Variants in XIST observed in about 807,000 individuals in gnomAD.
The protein encoded by XIST is X inactive specific transcript.
exon 1 of XIST, chrX:73,841,802 A>C: frequency 2.0e-6 from 1 of 496,290 alleles, no homozygotes; most frequent in Non-Finnish European, 3.6e-6. Flanking sequence ...TTAATAAAAA[A>C]GGTGGCATAT....
chrX:73,837,840 C>T (rs1050177738), intron 1 of XIST, among the ~76,000 whole-genome samples: 3 of 111,379 alleles, frequency 2.7e-5, no homozygotes, highest in Non-Finnish European at 5.7e-5. Flanking sequence ...ACAGTACGTA[C>T]CATCATTGTT....
chrX:73,845,277 A>T (rs1374942875), exon 1 of XIST: 3 of 551,450 alleles, frequency 5.4e-6, no homozygotes, highest in Non-Finnish European at 9.8e-6. Context: ...ACTGGAACAA[A>T]TATAATCACA....
chrX:73,832,060 C>A (rs1213268822), intron 3 of XIST, among the ~76,000 whole-genome samples: 1 of 112,157 alleles, frequency 8.9e-6, no homozygotes, highest in Admixed American at 9.4e-5. Flanking sequence ...GCTGGCCAGG[C>A]GTGGTGGCTC....
chrX:73,847,252 G>A, exon 1 of XIST: 1 of 557,422 alleles, frequency 1.8e-6, no homozygotes, highest in Non-Finnish European at 3.2e-6. Context: ...ATGGAGCAAG[G>A]AAGCGGGATT....
chrX:73,852,072 CAGGTATCCG>C, exon 1 of XIST: 1 of 520,659 alleles, frequency 1.9e-6, no homozygotes, highest in Non-Finnish European at 3.4e-6. Flanking sequence ...AAAATTAAAG[CAGGTATCCG>C]AGGCCCCGAT....
At chrX:73,850,556 T>A in exon 1 of XIST, 1 of 549,955 alleles carries the variant, frequency 1.8e-6, no homozygotes, top group Admixed American at 2.3e-5. Context: ...GAATTCCTCT[T>A]CTGCCACCTG....
chrX:73,826,858 CA>C (rs1291882878), exon 6 of XIST: 2 of 558,948 alleles, frequency 3.6e-6, no homozygotes, highest in Admixed American at 2.2e-5. Flanking sequence ...CCTTGTGTCA[CA>C]AGTCTCAGTT....
At chrX:73,849,959 G>A in exon 1 of XIST, 2 of 556,906 alleles carry the variant, frequency 3.6e-6, no homozygotes, top group Non-Finnish European at 6.5e-6. Context: ...TGGATGCTAG[G>A]CAGGCAGGAT....
exon 1 of XIST, chrX:73,847,223 A>C (rs1922794554): frequency 3.6e-6 from 2 of 558,393 alleles, no homozygotes; most frequent in Admixed American, 2.2e-5. Context: ...GCTAGTTAGA[A>C]GCTCCTGCAG....
At chrX:73,827,683 AAGG>A (rs1193295621) in exon 6 of XIST, 2 of 550,193 alleles carry the variant, frequency 3.6e-6, no homozygotes, top group African/African-American at 2.2e-5. Context: ...TAGGCAGAGA[AAGG>A]AGAGGTAGAC....
intron 1 of XIST, among the ~76,000 whole-genome samples, chrX:73,839,639 G>T (rs1241800002): frequency 9.0e-6 from 1 of 110,913 alleles, no homozygotes. Context: ...ATTTATTCCA[G>T]CACCTGGTAC....
chrX:73,836,023 T>A (rs1301272220), intron 2 of XIST, among the ~76,000 whole-genome samples: 6 of 111,124 alleles, frequency 5.4e-5, no homozygotes, highest in African/African-American at 2.0e-4. Flanking sequence ...ACTCCTTGGG[T>A]CTTAAATAGG....
At chrX:73,833,544 G>A (rs1286940413) in intron 2 of XIST, 2 of 327,172 alleles carry the variant, frequency 6.1e-6, no homozygotes, top group Non-Finnish European at 1.1e-5. Context: ...GTCCTCTAAT[G>A]ACAAGCCCTG....
exon 1 of XIST, chrX:73,841,422 G>C (rs764645367): frequency 1.8e-6 from 1 of 548,820 alleles, no homozygotes; most frequent in East Asian, 3.3e-5. Context: ...ACAGCTGTCC[G>C]AGGAGCTAGT....
At chrX:73,824,095 C>T (rs758460102) in exon 6 of XIST, 3 of 551,351 alleles carry the variant, frequency 5.4e-6, no homozygotes, top group Admixed American at 4.5e-5. Flanking sequence ...GCAGATATAG[C>T]TTATATATGG....
exon 1 of XIST, chrX:73,844,691 G>A (rs778839059): frequency 1.0e-4 from 57 of 556,437 alleles, no homozygotes; most frequent in Non-Finnish European, 1.7e-4. Flanking sequence ...CAGAAACCTG[G>A]ACAAATATAA....
At chrX:73,820,952 C>T (rs771894123) in exon 6 of XIST, 2 of 558,968 alleles carry the variant, frequency 3.6e-6, no homozygotes, top group Non-Finnish European at 6.5e-6. Context: ...ATCACAACTT[C>T]ATTTATGTGA....
chrX:73,823,246 T>C (rs1156285453), exon 6 of XIST: 1 of 523,400 alleles, frequency 1.9e-6, no homozygotes, highest in Non-Finnish European at 3.4e-6. Context: ...GGAAGTGATT[T>C]GGGGGATTCC....
chrX:73,831,311 T>A, intron 3 of XIST: 1 of 488,992 alleles, frequency 2.0e-6, no homozygotes, highest in South Asian at 2.9e-5. Flanking sequence ...TGAAATGCAG[T>A]ACACTGGGAA....
Sources: gnomAD v4.1 joint callset for allele counts (sites outside exome capture counted in the v4.1 genomes callset) on GRCh38, gnomAD v4.1.1 for gene constraint, MANE v1.5 for transcripts, NCBI Gene and HGNC (gene_info 2026-07-23, HGNC 2026-07-21) for gene names.